PRR11: variants seen among roughly 807,000 people sequenced by gnomAD.
The protein encoded by PRR11 is proline rich 11.
Under a neutral mutation model 45.6 loss-of-function variants are expected in PRR11, and 30 were observed. The ratio of observed to expected loss-of-function variants is 0.66; its 90% CI spans 0.49 to 0.89. The LOEUF is 0.89. Ranked by LOEUF, PRR11 falls within the 40% of genes least tolerant of loss-of-function variation. The pLI, the probability that PRR11 is intolerant of heterozygous loss-of-function variation, is 0.00. For synonymous variants in PRR11, 128 were observed against 153.5 expected (o/e 0.83, Z 1.23); for missense variants, 373 against 424.8 (o/e 0.88, Z 1.07).
At chr17:59,192,442 G>C (rs780338461) in intron 4 of PRR11, among the ~76,000 whole-genome samples, 9 of 152,096 alleles carry the variant, frequency 5.9e-5, no homozygotes, top group Non-Finnish European at 1.2e-4. Context: ...TACTTCATAG[G>C]GTCGTTGTAT....
In PRR11 at chr17:59,179,002, T is replaced by G. The variant is rs147566574; in HGVS notation, c.129-6052T>G. Among the ~76,000 whole-genome samples the G allele has an allele frequency of 6.0e-3, 920 of 152,144 alleles. 5 individuals are homozygous for G. Among genetic ancestry groups the G allele is most frequent in the Non-Finnish European group, 7.7e-3 (524 of 67,982 alleles). ...GATTTTTTATTGTGATTTATTGATT[T>G]ATTTATTTATTTATTGAGATGGAGT... On this transcript the variant is annotated intron_variant, in intron 2 of 9. Coordinates refer to ENST00000262293, the MANE Select transcript of PRR11 (RefSeq NM_018304.4).
rs531071786 is a variant in PRR11, at chr17:59,204,594, T to C, written c.*2963T>C. 71 of 151,114 alleles carry C rather than the reference T, an allele frequency of 4.7e-4. No homozygotes were observed. The highest frequency in any genetic ancestry group is 1.7e-3 in the African/African-American group (68 of 41,040). The allele number at this position is 151,114 out of a possible 1,614,324, so 9.4% of individuals were successfully genotyped here. A position where few individuals can be genotyped will look rare whatever the true frequency, so the allele number is the denominator to read the frequency against. ...GGTGGCATGTGCCTATAGCCCCAGC[T>C]ACTCAGGAAGCTAAAGCACGAGAAT... On this transcript the variant is annotated 3_prime_UTR_variant, in exon 10 of 10. Coordinates refer to ENST00000262293, the MANE Select transcript of PRR11 (RefSeq NM_018304.4).
rs1389453834 is a variant in PRR11, at chr17:59,193,730, T to G, written c.641T>G (p.Leu214Arg). Residue 214 changes from leucine (L) to arginine (R), a missense_variant, in exon 5 of 10, where the codon CTT becomes CGT. Transcript: ENST00000262293. The stretch of plus-strand genomic sequence containing the variant: ...AGAAAACCCAGTCTCGCTAAAGCAC[T>G]TCAGGTAGGTAACAATCTAGTAATG... ...LLRKPSLAKA[L>R]QAGPLKKDGP... 1 of 1,613,628 alleles carries G rather than the reference T, an allele frequency of 6.2e-7. No individual in the cohort carries two copies. Among genetic ancestry groups the G allele is most frequent in the Non-Finnish European group, 8.5e-7 (1 of 1,179,538 alleles).
intron 2 of PRR11, chr17:59,178,477 T>A (rs2046761746): frequency 5.8e-6 from 3 of 519,908 alleles, no homozygotes; most frequent in South Asian, 4.2e-5. Flanking sequence ...ACTTACCTTG[T>A]CTGACAACCT....
At chr17:59,179,598 C>T in intron 2 of PRR11, 1 of 1,507,750 alleles carries the variant, frequency 6.6e-7, no homozygotes, top group Non-Finnish European at 9.0e-7. Flanking sequence ...TGGAAGTTTC[C>T]TCTTTTTTAA....
chr17:59,157,600 G>A (rs1360817780), intron 1 of PRR11, among the ~76,000 whole-genome samples: 1 of 152,020 alleles, frequency 6.6e-6, no homozygotes, highest in African/African-American at 2.4e-5. Flanking sequence ...TGCTCAAGAG[G>A]CTGAAGCAGG....
chr17:59,168,429 C>G (rs931283891), intron 1 of PRR11, among the ~76,000 whole-genome samples: 1 of 152,198 alleles, frequency 6.6e-6, no homozygotes, highest in Non-Finnish European at 1.5e-5. Context: ...CTCGGCCTCC[C>G]AAAGTGCTGG....
intron 1 of PRR11, among the ~76,000 whole-genome samples, chr17:59,162,255 G>A (rs1045532433): frequency 4.6e-5 from 7 of 151,106 alleles, no homozygotes; most frequent in Admixed American, 6.6e-5. Context: ...CACACAGAGA[G>A]AGAGAGAGAG....
chr17:59,190,709 T>C (rs1023240218), intron 4 of PRR11, among the ~76,000 whole-genome samples: 1 of 152,242 alleles, frequency 6.6e-6, no homozygotes, highest in African/African-American at 2.4e-5. Flanking sequence ...AGTTCTGCCT[T>C]CTTTACAGTA....
chr17:59,178,742 T>C (rs970070290), intron 2 of PRR11, among the ~76,000 whole-genome samples: 1 of 152,088 alleles, frequency 6.6e-6, no homozygotes, highest in African/African-American at 2.4e-5. Flanking sequence ...AAGGAGGCCC[T>C]GGGTGTGAGA....
At chr17:59,170,322 A>G (rs2046701443) in intron 2 of PRR11, among the ~76,000 whole-genome samples, 1 of 152,058 alleles carries the variant, frequency 6.6e-6, no homozygotes, top group Non-Finnish European at 1.5e-5. Flanking sequence ...TCATATAATT[A>G]TGTCCTATGT....
chr17:59,193,423 T>G, intron 4 of PRR11, 69 bp from the exon 5 acceptor site: 4 of 1,576,574 alleles, frequency 2.5e-6, no homozygotes, highest in Non-Finnish European at 3.5e-6. Context: ...GCTATTATTT[T>G]GATGACTCTC....
intron 2 of PRR11, 80 bp from the exon 3 acceptor site, chr17:59,184,974 G>A: frequency 2.2e-6 from 3 of 1,342,864 alleles, no homozygotes; most frequent in Admixed American, 2.0e-5. Context: ...TAGCAGTAGA[G>A]GCATGAGCCA....
intron 4 of PRR11, among the ~76,000 whole-genome samples, chr17:59,186,538 G>T (rs1326503490): frequency 6.6e-6 from 1 of 151,498 alleles, no homozygotes; most frequent in African/African-American, 2.4e-5. Context: ...GGGACCAGAG[G>T]TGTGTGCCAC....
At chr17:59,188,321 A>G (rs2046823852) in intron 4 of PRR11, among the ~76,000 whole-genome samples, 1 of 152,216 alleles carries the variant, frequency 6.6e-6, no homozygotes, top group Non-Finnish European at 1.5e-5. Flanking sequence ...CTCTCTTGTT[A>G]TTGAGAATGG....
intron 2 of PRR11, among the ~76,000 whole-genome samples, chr17:59,177,425 C>T (rs753380727): frequency 2.0e-5 from 3 of 152,000 alleles, no homozygotes; most frequent in Non-Finnish European, 2.9e-5. Flanking sequence ...ATTTGAAGGT[C>T]GGATGCAAAT....
intron 4 of PRR11, among the ~76,000 whole-genome samples, chr17:59,191,689 G>A (rs931143673): frequency 6.6e-6 from 1 of 152,036 alleles, no homozygotes; most frequent in African/African-American, 2.4e-5. Flanking sequence ...ATGTAACCAA[G>A]TGCCTGTATT....
At chr17:59,196,170 A>G (rs1399494079) in intron 7 of PRR11, among the ~76,000 whole-genome samples, 2 of 152,004 alleles carry the variant, frequency 1.3e-5, no homozygotes, top group Non-Finnish European at 2.9e-5. Flanking sequence ...AATTAACTGC[A>G]TATTTTGAAG....
At chr17:59,168,876 C>G (rs2046692510) in intron 1 of PRR11, among the ~76,000 whole-genome samples, 2 of 152,034 alleles carry the variant, frequency 1.3e-5, no homozygotes. Context: ...CTTTTTTATC[C>G]TCAGTTTATT....
Sources: allele counts gnomAD v4.1 joint callset (sites outside exome capture counted in the v4.1 genomes callset), GRCh38; gene constraint gnomAD v4.1.1; transcripts MANE v1.5; gene names NCBI Gene and HGNC (gene_info 2026-07-23, HGNC 2026-07-21).